Variants in RHNO1 observed in about 807,000 individuals in gnomAD.
The protein encoded by RHNO1 is RAD9-HUS1-RAD1 interacting nuclear orphan 1.
RHNO1 carries 9 observed loss-of-function variants against 7.2 expected under a neutral mutation model. The observed-to-expected ratio is 1.25, with a 90% CI of 0.75 to 2.18. RHNO1 has a LOEUF of 2.18. Ranked by LOEUF, RHNO1 falls within the 30% of genes most tolerant of loss-of-function variation. RHNO1 has a pLI of 0.00. For missense variants in RHNO1, 292 were observed against 284.5 expected (o/e 1.03, Z -0.19); for synonymous variants, 95 against 107.5 (o/e 0.88, Z 0.72).
intron 1 of RHNO1, among the ~76,000 whole-genome samples, chr12:2,880,404 G>A (rs2098155933): frequency 6.6e-6 from 1 of 151,820 alleles, no homozygotes; most frequent in South Asian, 2.1e-4. Context: ...ATCACCTGAG[G>A]TCAGGAGTTC....
chr12:2,877,255 G>T lies in RHNO1; in HGVS notation c.-112G>T, dbSNP rs2098147262. On this transcript the variant is annotated 5_prime_UTR_variant, in exon 1 of 3. Coordinates refer to ENST00000489288, the MANE Select transcript of RHNO1 (RefSeq NM_001252499.3). Reference sequence around the variant, plus strand: ...GCTCGAAGGCTGTGCGGTCTGCCAGGAGCTGCGGCCCCGTCCGGCCCGGGC... The same window carrying T: ...GCTCGAAGGCTGTGCGGTCTGCCAGTAGCTGCGGCCCCGTCCGGCCCGGGC... 6.6e-6 allele frequency: 1 copy of T among 152,410 alleles called. No homozygotes were observed. Among genetic ancestry groups the T allele is most frequent in the East Asian group, 1.9e-4 (1 of 5,182 alleles). The allele number at this position is 152,410 out of a possible 1,614,324, so 9.4% of individuals were successfully genotyped here. A position where few individuals can be genotyped will look rare whatever the true frequency, so the allele number is the denominator to read the frequency against.
At chr12:2,878,973 T>G (rs538039998) in intron 1 of RHNO1, among the ~76,000 whole-genome samples, 1 of 151,878 alleles carries the variant, frequency 6.6e-6, no homozygotes, top group African/African-American at 2.4e-5. Flanking sequence ...GAATGAGTTT[T>G]TTTTTTAATT....
chr12:2,885,695 C>T (rs1191911779), intron 2 of RHNO1, 161 bp downstream of exon 2: 1 of 590,320 alleles, frequency 1.7e-6, no homozygotes, highest in Non-Finnish European at 2.7e-6. Flanking sequence ...CTGCCTCAGC[C>T]TCCCGAGGAG....
chr12:2,878,281 T>C (rs1468521755), intron 1 of RHNO1, among the ~76,000 whole-genome samples: 1 of 152,212 alleles, frequency 6.6e-6, no homozygotes, highest in Non-Finnish European at 1.5e-5. Context: ...GAAAGGCTTT[T>C]GTAATGAGAG....
chr12:2,877,576 G>C (rs186896436), intron 1 of RHNO1, among the ~76,000 whole-genome samples: 11 of 152,302 alleles, frequency 7.2e-5, no homozygotes, highest in Admixed American at 2.6e-4. Context: ...ACGATCGTCT[G>C]CTCCCCCCGA....
At chr12:2,879,396 G>A (rs1203895865) in intron 1 of RHNO1, among the ~76,000 whole-genome samples, 1 of 151,436 alleles carries the variant, frequency 6.6e-6, no homozygotes, top group Non-Finnish European at 1.5e-5. Context: ...TCAGTGGCAC[G>A]ATCTCGGCTC....
At chr12:2,881,897 T>TC (rs2098158256) in intron 1 of RHNO1, among the ~76,000 whole-genome samples, 4 of 144,244 alleles carry the variant, frequency 2.8e-5, no homozygotes, top group African/African-American at 1.0e-4. Context: ...AGAGCAAGAC[T>TC]CCATCAAAAA....
chr12:2,879,657 C>T (rs944457888), intron 1 of RHNO1, among the ~76,000 whole-genome samples: 3 of 151,586 alleles, frequency 2.0e-5, no homozygotes, highest in South Asian at 4.2e-4. Context: ...ATTTGAGGTG[C>T]GTTTGAAATA....
At chr12:2,884,273 G>A (rs925458510) in intron 1 of RHNO1, among the ~76,000 whole-genome samples, 2 of 151,792 alleles carry the variant, frequency 1.3e-5, no homozygotes, top group African/African-American at 2.4e-5. Flanking sequence ...TAGCTCTGCT[G>A]CCCAGGCTGG....
chr12:2,888,050 G>A lies in RHNO1; in HGVS notation c.308G>A (p.Ser103Asn). The A allele has an allele frequency of 2.5e-6, 4 of 1,614,142 alleles. No individual in the cohort carries two copies. The highest frequency in any genetic ancestry group is 2.2e-5 in the South Asian group (2 of 91,084). The change falls in exon 3 of 3, where the codon AGT becomes AAT. Residue 103 changes from serine (S) to asparagine (N), a missense_variant. Coordinates refer to ENST00000489288, the MANE Select transcript of RHNO1 (RefSeq NM_001252499.3). ...HLTFESPQSSSSETLGIPLIR... is the reference protein window; with the variant it reads ...HLTFESPQSSNSETLGIPLIR... ...ACTTTTGAGAGTCCGCAATCTTCCA[G>A]TTCAGAGACATTGGGGATCCCCTTA...
At chr12:2,883,383 G>GA (rs1565488028) in intron 1 of RHNO1, among the ~76,000 whole-genome samples, 2 of 139,946 alleles carry the variant, frequency 1.4e-5, no homozygotes, top group African/African-American at 2.6e-5. Context: ...TCGAAAAAAA[G>GA]AAAAAAAAGA....
chr12:2,887,892 CTTTTT>C lies in RHNO1; in HGVS notation c.169-8_169-4del. On this transcript the variant is annotated splice_polypyrimidine_tract_variant and intron_variant, in intron 2 of 2. Coordinates refer to ENST00000489288, the MANE Select transcript of RHNO1 (RefSeq NM_001252499.3). ...TTAGTACTTAGTTAGGCTCACCTCACTTTTTTTTTTTTTTTAAGGTATCACCTGAT... is the reference window on the plus strand; with the variant it reads ...TTAGTACTTAGTTAGGCTCACCTCACTTTTTTTTTTAAGGTATCACCTGAT... The C allele has an allele frequency of 1.4e-6, 2 of 1,383,332 alleles. No homozygotes were observed. The highest frequency in any genetic ancestry group is 1.5e-5 in the South Asian group (1 of 67,922). The allele number at this position is 1,383,332 out of a possible 1,614,324, so 85.7% of individuals were successfully genotyped here.
chr12:2,886,927 C>T (rs532905766), intron 2 of RHNO1: 10 of 455,518 alleles, frequency 2.2e-5, no homozygotes, highest in East Asian at 7.0e-5. Flanking sequence ...AGTTCTCACC[C>T]GCTATGCTTG....
chr12:2,877,826 C>A (rs2098149799), intron 1 of RHNO1: 2 of 152,320 alleles, frequency 1.3e-5, no homozygotes, highest in South Asian at 4.1e-4. Flanking sequence ...AGACAAGGTT[C>A]TTTCCTTCCC....
chr12:2,883,861 G>C (rs1259302464), intron 1 of RHNO1, among the ~76,000 whole-genome samples: 2 of 151,924 alleles, frequency 1.3e-5, no homozygotes, highest in African/African-American at 4.8e-5. Context: ...GAAGTGGCTA[G>C]GGGTGTAGAT....
At chr12:2,882,513 G>C (rs1286397322) in intron 1 of RHNO1, among the ~76,000 whole-genome samples, 3 of 150,220 alleles carry the variant, frequency 2.0e-5, no homozygotes, top group Admixed American at 2.0e-4. Flanking sequence ...GACCAGCCTG[G>C]CCAAAATGGT....
rs749256665 is a variant in RHNO1, at chr12:2,888,426, G to A, written c.684G>A (p.Lys228=). Residue 228 remains lysine (K), a synonymous_variant, in exon 3 of 3, where the codon AAG becomes AAA. Coordinates refer to ENST00000489288, the MANE Select transcript of RHNO1 (RefSeq NM_001252499.3). ...HLLAYLRERG[K]LSRSQFLVKS is the part of the protein sequence containing the mutation. ...TTGCTTACCTCAGGGAGAGAGGGAA[G>A]CTGAGCAGAAGCCAATTCCTTGTGA... 1 of 1,599,132 alleles carries A rather than the reference G, an allele frequency of 6.3e-7. No homozygotes were observed. Among genetic ancestry groups the A allele is most frequent in the Non-Finnish European group, 8.5e-7 (1 of 1,174,086 alleles).
At chr12:2,878,168 T>C (rs1252243162) in intron 1 of RHNO1, 1 of 152,194 alleles carries the variant, frequency 6.6e-6, no homozygotes, top group Non-Finnish European at 1.5e-5. Flanking sequence ...GGAGACACCG[T>C]CTCCAAAACA....
At position 2,889,481 on chromosome 12, in the gene RHNO1, C is replaced by G. The variant is rs2098169630; in HGVS notation, c.*1022C>G. On this transcript the variant is annotated 3_prime_UTR_variant, in exon 3 of 3. Coordinates refer to ENST00000489288, the MANE Select transcript of RHNO1 (RefSeq NM_001252499.3). ...GTCAACCGAATGTCTCGGCCTTTTACTCAGACAAGTAGCATCTCATTAAAC... is the reference window on the plus strand; with the variant it reads ...GTCAACCGAATGTCTCGGCCTTTTAGTCAGACAAGTAGCATCTCATTAAAC... 1.3e-5 allele frequency: 2 copies of G among 152,160 alleles called. No individual in the cohort carries two copies. Among genetic ancestry groups the G allele is most frequent in the Admixed American group, 1.3e-4 (2 of 15,260 alleles). The allele number at this position is 152,160 out of a possible 1,614,324, so 9.4% of individuals were successfully genotyped here.
Sources: gnomAD v4.1 joint callset for allele counts (sites outside exome capture counted in the v4.1 genomes callset) on GRCh38, gnomAD v4.1.1 for gene constraint, MANE v1.5 for transcripts, NCBI Gene and HGNC (gene_info 2026-07-23, HGNC 2026-07-21) for gene names.